FLACC1: variants seen among roughly 807,000 people sequenced by gnomAD.
FLACC1 encodes flagellum-associated coiled-coil domain-containing protein 1.
FLACC1 carries 66 observed loss-of-function variants against 62.8 expected under a neutral mutation model. That is an observed-to-expected ratio of 1.05 (90% CI 0.86 to 1.29). The LOEUF is 1.29. Ranked by LOEUF, FLACC1 falls within the 50% of genes most tolerant of loss-of-function variation. The probability of loss-of-function intolerance (pLI) is 0.00; values close to 1 mark genes in which losing one functional copy is unlikely to be tolerated. For synonymous variants in FLACC1, 156 were observed against 161.0 expected (o/e 0.97, Z 0.24); for missense variants, 452 against 489.1 (o/e 0.92, Z 0.71).
At chr2:201,364,166 T>C in the FLACC1 span, among the ~76,000 whole-genome samples, 8 of 152,130 alleles carry the variant, frequency 5.3e-5, no homozygotes, top group East Asian at 1.5e-3. Context: ...CACAGCCCAG[T>C]ATAAAACCTG....
rs1489029814 is a variant in FLACC1 at position 201,330,468 on chromosome 2, A to T, written c.675+2T>A. The stretch of plus-strand genomic sequence containing the variant: ...AATCCAACAGGGAGCTGTGTATCTC[A>T]CCTGATACGTACGAAACATATTCTT... On this transcript the variant is annotated splice_donor_variant, in intron 9 of 14. Transcript: ENST00000392257. LOFTEE classifies it high-confidence loss of function. 6.2e-7 allele frequency: 1 copy of T among 1,613,098 alleles called. No individual in the cohort carries two copies. Among genetic ancestry groups the T allele is most frequent in the South Asian group, 1.1e-5 (1 of 90,918 alleles).
At chr2:201,347,478 T>C (rs544485627) in intron 4 of FLACC1, among the ~76,000 whole-genome samples, 5 of 152,366 alleles carry the variant, frequency 3.3e-5, no homozygotes, top group African/African-American at 7.2e-5. Flanking sequence ...TTTGCTTGTA[T>C]ATTTTTTTCC....
intron 9 of FLACC1, 87 bp downstream of exon 9, chr2:201,330,383 C>A: frequency 7.6e-7 from 1 of 1,310,184 alleles, no homozygotes; most frequent in Admixed American, 2.2e-5. Context: ...ACATTATTTT[C>A]TGGACAAAAG....
intron 5 of FLACC1, 147 bp from the exon 6 acceptor site, chr2:201,344,410 G>C (rs1365296557): frequency 2.9e-6 from 2 of 698,068 alleles, no homozygotes; most frequent in Non-Finnish European, 5.0e-6. Context: ...TATGGGGTGG[G>C]GGTGGAGGGA....
intron 12 of FLACC1, among the ~76,000 whole-genome samples, chr2:201,291,574 G>GA (rs936241823): frequency 7.2e-5 from 11 of 152,264 alleles, no homozygotes; most frequent in Admixed American, 2.0e-4. Context: ...CAAAGATGGG[G>GA]AAAAAACAGA....
At chr2:201,362,760 T>C in the FLACC1 span, among the ~76,000 whole-genome samples, 1 of 152,216 alleles carries the variant, frequency 6.6e-6, no homozygotes, top group Non-Finnish European at 1.5e-5. Context: ...GTGCCATTTT[T>C]AATCCAGGCA....
chr2:201,314,646 G>A (rs1453413180), intron 9 of FLACC1, among the ~76,000 whole-genome samples: 1 of 152,166 alleles, frequency 6.6e-6, no homozygotes, highest in Non-Finnish European at 1.5e-5. Context: ...CCCCACCCTT[G>A]CTAGAGACCT....
intron 12 of FLACC1, 105 bp downstream of exon 12, chr2:201,299,133 T>C (rs2125545319): frequency 2.7e-6 from 3 of 1,125,598 alleles, no homozygotes; most frequent in South Asian, 1.5e-5. Context: ...CCATTTCTTA[T>C]TGGCTTTGGG....
chr2:201,345,951 G>A (rs1039762856), intron 5 of FLACC1, among the ~76,000 whole-genome samples: 6 of 152,182 alleles, frequency 3.9e-5, no homozygotes, highest in African/African-American at 1.4e-4. Context: ...GATTACCTGA[G>A]GTCAGGAGTT....
In FLACC1 at chr2:201,343,437, G is replaced by A. The variant is rs372195951; in HGVS notation, c.462+733C>T. Among the ~76,000 whole-genome samples, 24 of 152,308 alleles carry A rather than the reference G, an allele frequency of 1.6e-4. No individual in the cohort carries two copies. In the East Asian group the frequency reaches 1.7e-3, roughly 11 times the overall value. On this transcript the variant is annotated intron_variant, in intron 6 of 14. Coordinates refer to ENST00000392257, the MANE Select transcript of FLACC1 (RefSeq NM_001127391.3). ...GGTAATGAATCAATAGTTGGCAGGC[G>A]GAGGAGGGTGGTCTCAGGATAGGAC...
At chr2:201,347,527 C>T (rs977291601) in intron 4 of FLACC1, among the ~76,000 whole-genome samples, 6 of 152,060 alleles carry the variant, frequency 3.9e-5, no homozygotes, top group African/African-American at 1.4e-4. Flanking sequence ...TTCCCTGGCT[C>T]TTTTCCCAGC....
intron 9 of FLACC1, among the ~76,000 whole-genome samples, chr2:201,324,067 A>C (rs1165617278): frequency 6.6e-6 from 1 of 152,190 alleles, no homozygotes; most frequent in African/African-American, 2.4e-5. Flanking sequence ...GAATGACAGA[A>C]TGGATAACAA....
In FLACC1 at chr2:201,298,814, C is replaced by T. The variant is rs776988919; in HGVS notation, c.942+424G>A. ...GCCATAATTTGCCCCAGAATAGAGT[C>T]CCTGAGGAAGTTATCATGTGTGAGG... On this transcript the variant is annotated intron_variant, in intron 12 of 14. Transcript: ENST00000392257. 6.6e-5 allele frequency among the ~76,000 whole-genome samples: 10 copies of T among 152,174 alleles called. 1 individual carries two copies. Among genetic ancestry groups the T allele is most frequent in the Non-Finnish European group, 1.5e-4 (10 of 68,040 alleles).
chr2:201,300,331 A>G (rs1364014777), intron 11 of FLACC1, among the ~76,000 whole-genome samples: 1 of 152,182 alleles, frequency 6.6e-6, no homozygotes, highest in Admixed American at 6.5e-5. Context: ...CACTGCTAGC[A>G]CAGCAGTCTG....
chr2:201,329,864 A>C (rs1217214905), intron 9 of FLACC1, among the ~76,000 whole-genome samples: 1 of 152,220 alleles, frequency 6.6e-6, no homozygotes, highest in African/African-American at 2.4e-5. Context: ...CCCTGAATCT[A>C]AAATGAAAGT....
rs1026971211 is a variant in FLACC1, at chr2:201,344,211, T to C, written c.421A>G (p.Ile141Val). The change falls in exon 6 of 15, where the codon ATT becomes GTT. Residue 141 changes from isoleucine to valine, a missense_variant. Transcript: ENST00000392257. The stretch of plus-strand genomic sequence containing the variant: ...TGGTGGTCTCTGTTCATTTGTTCAA[T>C]TATTGCTGTCAGCTCTGAGATTTGC... ...EEQISELTAI[I>V]EQMNRDHQSA... 2 of 1,613,942 alleles carry C rather than the reference T, an allele frequency of 1.2e-6. No homozygotes were observed. Among genetic ancestry groups the C allele is most frequent in the African/African-American group, 2.7e-5 (2 of 74,940 alleles).
At chr2:201,323,007 C>G (rs1311247885) in intron 9 of FLACC1, among the ~76,000 whole-genome samples, 1 of 151,888 alleles carries the variant, frequency 6.6e-6, no homozygotes, top group Non-Finnish European at 1.5e-5. Flanking sequence ...AGCTTGAAGA[C>G]AAGGTTTTTA....
At chr2:201,358,705 C>G (rs1434300723), upstream of FLACC1, among the ~76,000 whole-genome samples, 1 of 152,108 alleles carries the variant, frequency 6.6e-6, no homozygotes, top group Non-Finnish European at 1.5e-5. Context: ...GCGTGAGCCA[C>G]TGCGCCCGGC....
chr2:201,327,649 G>C (rs547827843), intron 9 of FLACC1, among the ~76,000 whole-genome samples: 2 of 152,162 alleles, frequency 1.3e-5, no homozygotes, highest in Non-Finnish European at 2.9e-5. Flanking sequence ...TTATTAAAAA[G>C]TAAAAAAACA....
Sources: allele counts gnomAD v4.1 joint callset (sites outside exome capture counted in the v4.1 genomes callset), GRCh38; gene constraint gnomAD v4.1.1; transcripts MANE v1.5; gene names NCBI Gene and HGNC (gene_info 2026-07-23, HGNC 2026-07-21).